CACNB4: variants seen among roughly 807,000 people sequenced by gnomAD.
The protein encoded by CACNB4 is voltage-dependent L-type calcium channel subunit beta-4.
In CACNB4, 32 loss-of-function variants were observed where a neutral mutation model predicts 71.2. The observed-to-expected ratio is 0.45, with a 90% CI of 0.34 to 0.60. The LOEUF is 0.60. Ranked by LOEUF, CACNB4 falls within the 20% of genes least tolerant of loss-of-function variation. The probability of loss-of-function intolerance (pLI) is 0.01; values close to 1 mark genes in which losing one functional copy is unlikely to be tolerated. For synonymous variants in CACNB4, 231 were observed against 236.9 expected (o/e 0.97, Z 0.23); for missense variants, 464 against 647.9 (o/e 0.72, Z 3.08).
At chr2:151,989,764 A>G (rs925278551) in intron 2 of CACNB4, among the ~76,000 whole-genome samples, 1 of 152,208 alleles carries the variant, frequency 6.6e-6, no homozygotes, top group Non-Finnish European at 1.5e-5. Context: ...GTCCACATAT[A>G]TTAGACTCAA....
chr2:152,098,880 G>T lies in CACNB4; in HGVS notation c.63+69C>A, dbSNP rs1688437875. 7 of 1,234,774 alleles carry T rather than the reference G, an allele frequency of 5.7e-6. No homozygotes were observed. The Admixed American group carries it at 1.1e-4, about 20-fold the overall frequency. The allele number at this position is 1,234,774 out of a possible 1,614,324, so 76.5% of individuals were successfully genotyped here. On this transcript the variant is annotated intron_variant, in intron 1 of 13. Coordinates refer to ENST00000539935, the MANE Select transcript of CACNB4 (RefSeq NM_000726.5). This position sits in a 1 kb window ranked among gnomAD's most constrained non-coding sequence, Gnocchi z 5.3. Reference sequence around the variant, plus strand: ...CACGCCCGGCACGAAGGCGGGGCGCGCTAGGGCGGCGGAGGAGGTGTGAGG... The same window carrying T: ...CACGCCCGGCACGAAGGCGGGGCGCTCTAGGGCGGCGGAGGAGGTGTGAGG...
intron 2 of CACNB4, among the ~76,000 whole-genome samples, chr2:151,942,989 T>C (rs193270468): frequency 1.3e-5 from 2 of 152,246 alleles, no homozygotes; most frequent in Non-Finnish European, 2.9e-5. Flanking sequence ...AGTTCTGTTT[T>C]TGCCCTTTGT....
intron 2 of CACNB4, among the ~76,000 whole-genome samples, chr2:152,006,512 T>G (rs1682738148): frequency 6.6e-6 from 1 of 151,502 alleles, no homozygotes; most frequent in Non-Finnish European, 1.5e-5. Context: ...AAGCGATTCA[T>G]GCCTCAGCCT....
chr2:151,892,688 C>G (rs151068065), intron 2 of CACNB4, among the ~76,000 whole-genome samples: 2 of 152,250 alleles, frequency 1.3e-5, no homozygotes, highest in African/African-American at 4.8e-5. Context: ...CACTTCATTT[C>G]AGGCAGGAGT....
intron 2 of CACNB4, among the ~76,000 whole-genome samples, chr2:152,013,732 GTTA>G (rs1683190178): frequency 6.6e-6 from 1 of 152,220 alleles, no homozygotes; most frequent in Admixed American, 6.5e-5. Flanking sequence ...GAGCTGTTGT[GTTA>G]TAATCGCAAA....
chr2:151,881,686 T>C (rs1278646458), intron 3 of CACNB4, among the ~76,000 whole-genome samples: 1 of 152,188 alleles, frequency 6.6e-6, no homozygotes, highest in Non-Finnish European at 1.5e-5. Flanking sequence ...TTCCTGATAT[T>C]CTGAGCTGCT....
chr2:151,935,782 G>T (rs181516818), intron 2 of CACNB4, among the ~76,000 whole-genome samples: 3 of 152,166 alleles, frequency 2.0e-5, no homozygotes, highest in South Asian at 2.1e-4. Flanking sequence ...CATTGATAAG[G>T]CTATTAGATA....
intron 2 of CACNB4, among the ~76,000 whole-genome samples, chr2:152,031,056 C>G (rs779279163): frequency 6.6e-6 from 1 of 152,064 alleles, no homozygotes; most frequent in Non-Finnish European, 1.5e-5. Flanking sequence ...GGTATTGCCA[C>G]GGGACTAGCA....
At chr2:151,914,383 G>A (rs1043589967) in intron 2 of CACNB4, among the ~76,000 whole-genome samples, 1 of 152,036 alleles carries the variant, frequency 6.6e-6, no homozygotes, top group Non-Finnish European at 1.5e-5. Context: ...CTTTTATCAA[G>A]GTTCTTAGCT....
At chr2:151,920,039 C>G (rs570535889) in intron 2 of CACNB4, among the ~76,000 whole-genome samples, 1 of 152,296 alleles carries the variant, frequency 6.6e-6, no homozygotes, top group African/African-American at 2.4e-5. Flanking sequence ...TTGCAATTAG[C>G]TCCTCCTATA....
intron 5 of CACNB4, among the ~76,000 whole-genome samples, chr2:151,875,398 T>C (rs2099845742): frequency 6.6e-6 from 1 of 151,408 alleles, no homozygotes; most frequent in African/African-American, 2.4e-5. Flanking sequence ...TACTTCTTTC[T>C]ACACAGACAC....
At chr2:151,843,448 G>C (rs1165081536) in intron 12 of CACNB4, among the ~76,000 whole-genome samples, 1 of 152,144 alleles carries the variant, frequency 6.6e-6, no homozygotes, top group Non-Finnish European at 1.5e-5. Flanking sequence ...CTGAGTAGCT[G>C]GGACCACAGG....
Position 151,839,054 on chromosome 2 carries a change from A to G in CACNB4, c.*65T>C. ...GTGCTATGTTAGCCAAGTTAAGATG[A>G]TTGGTTTATCCTAGCACTGCTATGG... On this transcript the variant is annotated 3_prime_UTR_variant, in exon 14 of 14. Coordinates refer to ENST00000539935, the MANE Select transcript of CACNB4 (RefSeq NM_000726.5). The G allele has an allele frequency of 2.1e-6, 3 of 1,407,922 alleles. No individual in the cohort carries two copies. The highest frequency in any genetic ancestry group is 2.0e-5 in the Admixed American group (1 of 50,488). 87.2% of individuals were successfully genotyped at this position (1,407,922 alleles called of 1,614,324 possible).
At chr2:151,947,674 G>A (rs1030463898) in intron 2 of CACNB4, among the ~76,000 whole-genome samples, 2 of 152,096 alleles carry the variant, frequency 1.3e-5, no homozygotes, top group African/African-American at 4.8e-5. Context: ...GGTCGTCCGG[G>A]TCTGGCAGCA....
intron 2 of CACNB4, among the ~76,000 whole-genome samples, chr2:152,092,871 C>T (rs1043234818): frequency 2.6e-5 from 4 of 151,466 alleles, no homozygotes; most frequent in South Asian, 2.1e-4. Context: ...TACATATATA[C>T]CTAAGATGAA....
At chr2:152,017,641 G>A (rs1683420071) in intron 2 of CACNB4, among the ~76,000 whole-genome samples, 1 of 151,756 alleles carries the variant, frequency 6.6e-6, no homozygotes, top group Admixed American at 6.6e-5. Context: ...CCAGGAGGCA[G>A]AGGTTGCAGT....
chr2:151,903,177 T>G (rs1280992999), intron 2 of CACNB4, among the ~76,000 whole-genome samples: 1 of 152,214 alleles, frequency 6.6e-6, no homozygotes, highest in African/African-American at 2.4e-5. Flanking sequence ...TGACTACCTT[T>G]TATTTCATCA....
chr2:152,054,259 G>A (rs569151095), intron 2 of CACNB4, among the ~76,000 whole-genome samples: 3 of 151,200 alleles, frequency 2.0e-5, no homozygotes, highest in South Asian at 2.1e-4. Flanking sequence ...CCAGCTACAC[G>A]GGAGGCTGAG....
rs1297613993 is a variant in CACNB4 at position 151,870,560 on chromosome 2, A to C, written c.670T>G (p.Leu224Val). Residue 224 changes from leucine to valine, a missense_variant, in exon 8 of 14, where the codon TTA becomes GTA. This residue lies in a region of CACNB4 where 299 missense variants were observed against 471.7 expected (regional missense o/e 0.63). Coordinates refer to ENST00000539935, the MANE Select transcript of CACNB4 (RefSeq NM_000726.5). ...TAACCTTTCAGTGACGGCCCCACTA[A>C]CACCACCGGACGCATTGACGGTACA... ...DVVPSMRPVVLVGPSLKGYEV... is the reference protein window; with the variant it reads ...DVVPSMRPVVVVGPSLKGYEV... 9 of 1,613,758 alleles carry C rather than the reference A, an allele frequency of 5.6e-6. No homozygotes were observed. Among genetic ancestry groups the C allele is most frequent in the South Asian group, 1.1e-5 (1 of 91,070 alleles).
Sources: gnomAD v4.1 joint callset for allele counts (sites outside exome capture counted in the v4.1 genomes callset) on GRCh38, gnomAD v4.1.1 for gene constraint, gnomAD v4.1.1 regional missense constraint, Gnocchi (gnomAD v3.1) non-coding constraint, MANE v1.5 for transcripts, NCBI Gene and HGNC (gene_info 2026-07-23, HGNC 2026-07-21) for gene names.